Variants in RGS17 observed in about 807,000 individuals in gnomAD.
RGS17 encodes the protein regulator of G protein signaling 17.
A neutral mutation model predicts 25.5 loss-of-function variants in RGS17; 12 were observed. The observed-to-expected ratio is 0.47, with a 90% CI of 0.30 to 0.76. The LOEUF is 0.76. Ranked by LOEUF, RGS17 falls within the 30% of genes least tolerant of loss-of-function variation. The probability of loss-of-function intolerance (pLI) is 0.07; values close to 1 mark genes in which losing one functional copy is unlikely to be tolerated. For missense variants in RGS17, 196 were observed against 242.2 expected (o/e 0.81, Z 1.27); for synonymous variants, 71 against 76.9 (o/e 0.92, Z 0.40).
At chr6:153,084,411 T>C (rs1471910261) in intron 1 of RGS17, among the ~76,000 whole-genome samples, 19 of 152,104 alleles carry the variant, frequency 1.2e-4, no homozygotes, top group African/African-American at 4.8e-5. Context: ...TTTAATTACA[T>C]GGGGGTCACT....
At chr6:153,088,108 A>C (rs1030113349) in intron 1 of RGS17, among the ~76,000 whole-genome samples, 1 of 152,294 alleles carries the variant, frequency 6.6e-6, no homozygotes, top group Admixed American at 6.5e-5. Context: ...GAGGACCAAC[A>C]ATCAGGGTGG....
intron 1 of RGS17, among the ~76,000 whole-genome samples, chr6:153,080,838 GT>G (rs140299894): frequency 4.8e-4 from 69 of 142,800 alleles, no homozygotes; most frequent in African/African-American, 1.4e-3. Context: ...CATTTCTCCT[GT>G]TTTTTTTTTA....
rs189166957 is a variant in RGS17, at chr6:153,071,878, A to G, written c.-25-27835T>C. ...ACTCTTTGGGCAAGTTATCTAAACT[A>G]TTTCGAGCACTAAGTCATGCAATTA... is the stretch of plus-strand genomic sequence containing the variant. On this transcript the variant is annotated intron_variant, in intron 1 of 4. Transcript: ENST00000206262. Among the ~76,000 whole-genome samples, 262 of 152,270 alleles carry G rather than the reference A, an allele frequency of 1.7e-3. 4 individuals are homozygous for G. The highest frequency in any genetic ancestry group is 6.0e-3 in the African/African-American group (248 of 41,560).
At chr6:153,062,603 G>C (rs755260113) in intron 1 of RGS17, among the ~76,000 whole-genome samples, 7 of 152,140 alleles carry the variant, frequency 4.6e-5, no homozygotes, top group Non-Finnish European at 1.0e-4. Flanking sequence ...TGAATTGGGT[G>C]CAGAGATAGT....
chr6:153,116,450 T>C (rs560140428), intron 1 of RGS17, among the ~76,000 whole-genome samples: 2 of 152,234 alleles, frequency 1.3e-5, no homozygotes, highest in East Asian at 3.9e-4. Flanking sequence ...TGTGGAGAAA[T>C]AGGAACGCTT....
chr6:153,074,720 A>C (rs1352455001), intron 1 of RGS17, among the ~76,000 whole-genome samples: 1 of 152,222 alleles, frequency 6.6e-6, no homozygotes. Flanking sequence ...TGTTGTCAGC[A>C]ATCTTCGCTC....
rs1463624142 is a variant in RGS17 at position 153,011,687 on chromosome 6, C to T, written c.520G>A (p.Ala174Thr). 1 of 1,612,732 alleles carries T rather than the reference C, an allele frequency of 6.2e-7. No homozygotes were observed. The highest frequency in any genetic ancestry group is 2.2e-5 in the East Asian group (1 of 44,808). ...LDPNPHMYEDAQLQIYTLMHR... is the reference protein window; with the variant it reads ...LDPNPHMYEDTQLQIYTLMHR... ...ATTAAAGTATATATCTGAAGTTGGGCATCTTCATACATGTGAGGATTGGGA... is the reference window on the plus strand; with the variant it reads ...ATTAAAGTATATATCTGAAGTTGGGTATCTTCATACATGTGAGGATTGGGA... The change falls in exon 5 of 5, where the codon GCC becomes ACC. Residue 174 changes from alanine (A) to threonine (T), a missense_variant. By Grantham distance (58) the Ala-to-Thr change is moderately conservative (BLOSUM62 0). Transcript: ENST00000206262.
chr6:153,075,270 C>A lies in RGS17; in HGVS notation c.-25-31227G>T, dbSNP rs568317875. Among the ~76,000 whole-genome samples the A allele has an allele frequency of 7.2e-5, 11 of 152,182 alleles. No homozygotes were observed. In the East Asian group the frequency reaches 1.9e-3, roughly 27 times the overall value. On this transcript the variant is annotated intron_variant, in intron 1 of 4. Coordinates refer to ENST00000206262, the MANE Select transcript of RGS17 (RefSeq NM_012419.5). ...AATTTTGCTTCTGATAAAAATGAGA[C>A]CCTGACTTGTAAGTTGCATCTGAAC... is the stretch of plus-strand genomic sequence containing the variant.
At chr6:153,079,713 T>C (rs1776944049) in intron 1 of RGS17, among the ~76,000 whole-genome samples, 1 of 152,130 alleles carries the variant, frequency 6.6e-6, no homozygotes, top group Admixed American at 6.5e-5. Context: ...AGCTAATATA[T>C]TTTAAAGGTT....
At chr6:153,035,648 T>G (rs1175258172) in intron 2 of RGS17, among the ~76,000 whole-genome samples, 4 of 152,184 alleles carry the variant, frequency 2.6e-5, no homozygotes, top group African/African-American at 9.7e-5. Context: ...CTGGAGGAAT[T>G]TGTTAAATAT....
chr6:153,098,091 C>T (rs555623467), intron 1 of RGS17, among the ~76,000 whole-genome samples: 5 of 152,070 alleles, frequency 3.3e-5, no homozygotes, highest in African/African-American at 4.8e-5. Flanking sequence ...TTTCTTAGAT[C>T]GAGAAAGTAA....
chr6:153,108,455 T>C (rs1777417217), intron 1 of RGS17, among the ~76,000 whole-genome samples: 1 of 152,052 alleles, frequency 6.6e-6, no homozygotes, highest in African/African-American at 2.4e-5. Context: ...CATTCATTCC[T>C]GGGAAATTCC....
intron 1 of RGS17, among the ~76,000 whole-genome samples, chr6:153,102,753 C>T (rs1160737189): frequency 1.3e-5 from 2 of 152,156 alleles, no homozygotes; most frequent in Non-Finnish European, 2.9e-5. Context: ...CTTTCAAATG[C>T]TAATAAGGGT....
At position 153,005,664 on chromosome 6, in the gene RGS17, G is replaced by A. The variant is rs1191773012; in HGVS notation, c.*5910C>T. 2.6e-5 allele frequency: 4 copies of A among 152,106 alleles called. No individual in the cohort carries two copies. Among genetic ancestry groups the A allele is most frequent in the African/African-American group, 4.8e-5 (2 of 41,408 alleles). 9.4% of individuals were successfully genotyped at this position (152,106 alleles called of 1,614,324 possible). Reference sequence around the variant, plus strand: ...AAACCAAAAACCTGTGTCTAGTCACGAGAAAAACATCAGACGAATCCCCAT... The same window carrying A: ...AAACCAAAAACCTGTGTCTAGTCACAAGAAAAACATCAGACGAATCCCCAT... On this transcript the variant is annotated 3_prime_UTR_variant, in exon 5 of 5. Coordinates refer to ENST00000206262, the MANE Select transcript of RGS17 (RefSeq NM_012419.5).
At chr6:153,057,642 T>C (rs1462986558) in intron 1 of RGS17, among the ~76,000 whole-genome samples, 1 of 152,204 alleles carries the variant, frequency 6.6e-6, no homozygotes, top group Non-Finnish European at 1.5e-5. Flanking sequence ...ATTACATTTA[T>C]TGTGCTCTTT....
intron 1 of RGS17, among the ~76,000 whole-genome samples, chr6:153,064,552 C>T: frequency 6.6e-6 from 1 of 151,792 alleles, no homozygotes; most frequent in East Asian, 1.9e-4. Flanking sequence ...ATAGTGTGAA[C>T]TCAGGAGGCA....
chr6:153,050,418 A>G (rs1309275494), intron 1 of RGS17, among the ~76,000 whole-genome samples: 1 of 152,194 alleles, frequency 6.6e-6, no homozygotes, highest in Non-Finnish European at 1.5e-5. Flanking sequence ...ACCTAATAGA[A>G]AAATTGGCAA....
chr6:153,110,275 C>T (rs1777447494), intron 1 of RGS17, among the ~76,000 whole-genome samples: 1 of 152,154 alleles, frequency 6.6e-6, no homozygotes, highest in Non-Finnish European at 1.5e-5. Context: ...GGCTCACTTC[C>T]TAGTCTATCT....
chr6:153,068,482 C>T (rs1776740594), intron 1 of RGS17, among the ~76,000 whole-genome samples: 1 of 152,082 alleles, frequency 6.6e-6, no homozygotes, highest in Non-Finnish European at 1.5e-5. Flanking sequence ...TCATCTAAGA[C>T]ATCAGACTAT....
Sources: gnomAD v4.1 joint callset for allele counts (sites outside exome capture counted in the v4.1 genomes callset) on GRCh38, gnomAD v4.1.1 for gene constraint, MANE v1.5 for transcripts, NCBI Gene and HGNC (gene_info 2026-07-23, HGNC 2026-07-21) for gene names.